HMCN1: variants seen among roughly 807,000 people sequenced by gnomAD.
HMCN1 encodes the protein hemicentin-1.
Under a neutral mutation model 625.9 loss-of-function variants are expected in HMCN1, and 321 were observed. That is an observed-to-expected ratio of 0.51 (90% CI 0.47 to 0.56). The LOEUF (loss-of-function observed/expected upper bound fraction) is 0.56. HMCN1 is among the 20% of genes least tolerant of loss of function. HMCN1 has a pLI of 0.00. For missense variants in HMCN1, 6,588 were observed against 6,887.3 expected, an observed-to-expected ratio of 0.96 and a Z score of 1.54; for synonymous variants, 2,425 against 2,417.6, an observed-to-expected ratio of 1.00 and a Z score of -0.09.
intron 56 of HMCN1, 56 bp downstream of exon 56, chr1:186,081,450 A>G: frequency 3.1e-6 from 4 of 1,288,874 alleles, no homozygotes; most frequent in Non-Finnish European, 4.4e-6. Context: ...GCACTTTGTA[A>G]TAATTGTTTT....
chr1:185,766,611 T>G (rs1275839878), intron 1 of HMCN1, among the ~76,000 whole-genome samples: 2 of 152,088 alleles, frequency 1.3e-5, no homozygotes, highest in Non-Finnish European at 2.9e-5. Context: ...TCTCAAGGAC[T>G]CATTGCTTAA....
At chr1:185,776,424 A>G (rs1298716711) in intron 1 of HMCN1, among the ~76,000 whole-genome samples, 1 of 148,024 alleles carries the variant, frequency 6.8e-6, no homozygotes. Context: ...TTTAAGTATT[A>G]ACAATAATTG....
At chr1:185,985,642 C>T (rs1238000676) in intron 19 of HMCN1, among the ~76,000 whole-genome samples, 1 of 152,168 alleles carries the variant, frequency 6.6e-6, no homozygotes, top group Non-Finnish European at 1.5e-5. Flanking sequence ...AAATGAGTAA[C>T]TAATTTAGTC....
chr1:186,010,904 GT>G (rs1241541530), intron 30 of HMCN1, among the ~76,000 whole-genome samples: 1 of 152,048 alleles, frequency 6.6e-6, no homozygotes, highest in African/African-American at 2.4e-5. Flanking sequence ...TTATTTGATA[GT>G]TTTTTTAAAT....
At chr1:186,081,855 T>G (rs1049117780) in intron 56 of HMCN1, among the ~76,000 whole-genome samples, 1 of 152,202 alleles carries the variant, frequency 6.6e-6, no homozygotes, top group African/African-American at 2.4e-5. Flanking sequence ...TATTCTTCTT[T>G]TCACATGTCC....
chr1:185,823,524 T>C (rs1350738980), intron 1 of HMCN1, among the ~76,000 whole-genome samples: 1 of 152,184 alleles, frequency 6.6e-6, no homozygotes, highest in Non-Finnish European at 1.5e-5. Context: ...AGTTTGATGT[T>C]GCCTCAGTTT....
chr1:185,924,215 CTT>C (rs58164381), intron 8 of HMCN1, among the ~76,000 whole-genome samples: 278 of 43,536 alleles, frequency 6.4e-3, no homozygotes, highest in African/African-American at 0.023. Flanking sequence ...CTGACCCAAT[CTT>C]TTTTTTTTTT....
chr1:185,814,428 A>C (rs768337160), intron 1 of HMCN1, among the ~76,000 whole-genome samples: 24 of 152,196 alleles, frequency 1.6e-4, no homozygotes, highest in Non-Finnish European at 2.2e-4. Context: ...ACAAAGTTGA[A>C]GTCTTCTGAG....
chr1:185,947,620 G>T (rs1199624449), intron 11 of HMCN1, among the ~76,000 whole-genome samples: 1 of 152,076 alleles, frequency 6.6e-6, no homozygotes, highest in African/African-American at 2.4e-5. Context: ...ATTCCATTTG[G>T]GATTTCAGTG....
intron 2 of HMCN1, among the ~76,000 whole-genome samples, chr1:185,848,970 GC>G (rs1172391823): frequency 9.2e-5 from 14 of 152,016 alleles, no homozygotes; most frequent in African/African-American, 3.4e-4. Flanking sequence ...TATTTTCCAG[GC>G]CTAGCTTCTC....
chr1:186,009,483 TGA>T (rs1653853533), intron 30 of HMCN1, among the ~76,000 whole-genome samples: 1 of 150,962 alleles, frequency 6.6e-6, no homozygotes, highest in Non-Finnish European at 1.5e-5. Context: ...GTTCTTAAAA[TGA>T]AAAAAAAAAG....
Position 185,982,290 on chromosome 1 carries a change from A to C in HMCN1, c.2691A>C (p.Ser897=), listed in dbSNP as rs1434253391. The C allele has an allele frequency of 2.5e-6, 4 of 1,613,804 alleles. No homozygotes were observed. In the South Asian group the frequency reaches 4.4e-5, roughly 18 times the overall value. ...LVAPLIGISP[S]VANVIEGQQL... ...CTCCACTTATTGGAATCAGCCCTTC[A>C]GTGGCCAATGTTATTGAAGGACAGC... The change falls in exon 18 of 107, where the codon TCA becomes TCC. Residue 897 remains serine, a synonymous_variant. Coordinates refer to ENST00000271588, the MANE Select transcript of HMCN1 (RefSeq NM_031935.3).
chr1:185,838,263 C>A (rs750568677), intron 1 of HMCN1, among the ~76,000 whole-genome samples: 21 of 152,104 alleles, frequency 1.4e-4, no homozygotes, highest in Non-Finnish European at 2.4e-4. Flanking sequence ...GACAGACAGG[C>A]GACCCCCAGG....
intron 1 of HMCN1, among the ~76,000 whole-genome samples, chr1:185,781,709 G>A (rs1557963582): frequency 6.6e-6 from 1 of 152,198 alleles, no homozygotes; most frequent in Admixed American, 6.5e-5. Context: ...TGTGGTCTGA[G>A]AGACAGTTTA....
intron 21 of HMCN1, 96 bp downstream of exon 21, chr1:185,989,743 C>G: frequency 1.7e-6 from 2 of 1,177,914 alleles, no homozygotes; most frequent in Non-Finnish European, 2.5e-6. Flanking sequence ...TGCATGTACC[C>G]CTAAAGTGAA....
chr1:186,154,509 G>A (rs1051035870), intron 97 of HMCN1, among the ~76,000 whole-genome samples: 5 of 152,058 alleles, frequency 3.3e-5, no homozygotes, highest in Non-Finnish European at 5.9e-5. Context: ...ACAACAAAGA[G>A]CAAAACTCCA....
rs191822660 is a variant in HMCN1, at chr1:185,851,722, C to T, written c.339+5626C>T. Reference sequence around the variant, plus strand: ...GTTGATTTTTAGAAAATGGTATTGGCAGTGATATGCTTTCAAGCCTTTTAT... The same window carrying T: ...GTTGATTTTTAGAAAATGGTATTGGTAGTGATATGCTTTCAAGCCTTTTAT... On this transcript the variant is annotated intron_variant, in intron 2 of 106. Coordinates refer to ENST00000271588, the MANE Select transcript of HMCN1 (RefSeq NM_031935.3). Among the ~76,000 whole-genome samples the T allele has an allele frequency of 5.3e-4, 81 of 151,990 alleles. 2 individuals are homozygous for T. The East Asian group carries it at 0.015, about 28-fold the overall frequency.
At chr1:186,017,484 AT>A (rs34565921) in intron 33 of HMCN1, among the ~76,000 whole-genome samples, 3,960 of 151,968 alleles carry the variant, frequency 0.026, 160 homozygotes, top group African/African-American at 0.089. Flanking sequence ...GTGTTTACCA[AT>A]TTTTTTTCTT....
Position 186,001,608 on chromosome 1 carries a change from C to A in HMCN1, c.4215C>A (p.Ser1405Arg). ...YKDNVQVTESSTIQTVNNGKI... is the reference protein window; with the variant it reads ...YKDNVQVTESRTIQTVNNGKI... ...GGCCCTTAAAGGTGACTGAAAGCAGCACTATTCAGACTGTGAACAATGGGA... is the reference window on the plus strand; with the variant it reads ...GGCCCTTAAAGGTGACTGAAAGCAGAACTATTCAGACTGTGAACAATGGGA... Residue 1405 changes from serine to arginine, a missense_variant, in exon 28 of 107, where the codon AGC (serine) becomes AGA (arginine). Physicochemically the swap from Ser to Arg is moderately radical, Grantham distance 110. Transcript: ENST00000271588. The A allele has an allele frequency of 6.2e-7, 1 of 1,613,076 alleles. No individual in the cohort carries two copies. The highest frequency in any genetic ancestry group is 8.5e-7 in the Non-Finnish European group (1 of 1,179,294).
Sources: allele counts gnomAD v4.1 joint callset (sites outside exome capture counted in the v4.1 genomes callset), GRCh38; gene constraint gnomAD v4.1.1; transcripts MANE v1.5; gene names NCBI Gene and HGNC (gene_info 2026-07-23, HGNC 2026-07-21).